Variants in CTNNA2 observed in about 807,000 individuals in gnomAD.
The protein encoded by CTNNA2 is catenin alpha-2.
In CTNNA2, 42 loss-of-function variants were observed where a neutral mutation model predicts 101.0. That is an observed-to-expected ratio of 0.42 (90% confidence interval 0.32 to 0.54). The LOEUF is 0.54. Among genes scored for constraint, CTNNA2 ranks in the 20% least tolerant of loss-of-function variants. The pLI is 0.14. For missense variants in CTNNA2, 871 were observed against 1,223.1 expected, an observed-to-expected ratio of 0.71 and a Z score of 4.29; for synonymous variants, 450 against 456.4, an observed-to-expected ratio of 0.99 and a Z score of 0.18.
chr2:80,152,533 C>G (rs1703772250), intron 7 of CTNNA2, among the ~76,000 whole-genome samples: 2 of 151,972 alleles, frequency 1.3e-5, no homozygotes, highest in Admixed American at 1.3e-4. Context: ...GTTTTTCATT[C>G]AGAACATTTT....
chr2:79,347,126 T>A (rs1294504661), intron 3 of CTNNA2, among the ~76,000 whole-genome samples: 2 of 152,142 alleles, frequency 1.3e-5, no homozygotes, highest in African/African-American at 2.4e-5. Context: ...TTAATGAATA[T>A]TTTTTGAAAA....
chr2:80,254,748 G>A (rs374182852), intron 7 of CTNNA2, among the ~76,000 whole-genome samples: 2 of 152,052 alleles, frequency 1.3e-5, no homozygotes, highest in African/African-American at 2.4e-5. Flanking sequence ...TTAAATAATA[G>A]GTAGTGTATA....
intron 7 of CTNNA2, among the ~76,000 whole-genome samples, chr2:79,998,721 A>G (rs909952558): frequency 1.3e-5 from 2 of 152,216 alleles, no homozygotes; most frequent in African/African-American, 4.8e-5. Context: ...TCTTTTCATC[A>G]TTGCCTAACC....
chr2:79,665,855 G>T (rs1163688933), intron 2 of CTNNA2, among the ~76,000 whole-genome samples: 1 of 152,180 alleles, frequency 6.6e-6, no homozygotes, highest in African/African-American at 2.4e-5. Flanking sequence ...ATGTAAAGAA[G>T]TATCAACTAC....
chr2:79,853,670 C>CTTT (rs10607231), intron 3 of CTNNA2, among the ~76,000 whole-genome samples: 1 of 129,914 alleles, frequency 7.7e-6, no homozygotes, highest in Non-Finnish European at 1.6e-5. Flanking sequence ...TATTATTTTT[C>CTTT]TTTTTTTTTT....
At chr2:80,445,788 C>G (rs1683023626) in intron 9 of CTNNA2, among the ~76,000 whole-genome samples, 1 of 152,164 alleles carries the variant, frequency 6.6e-6, no homozygotes, top group South Asian at 2.1e-4. Flanking sequence ...GCCTTGGGAA[C>G]AAATAATTGT....
Position 79,859,527 on chromosome 2 carries a change from G to T in CTNNA2, c.465+1348G>T, listed in dbSNP as rs139505496. On this transcript the variant is annotated intron_variant, in intron 4 of 18. Transcript: ENST00000402739. The stretch of plus-strand genomic sequence containing the variant: ...CAACACCTGCAGCCTGAGCTCCGAG[G>T]TCATAAACATAAAGGTAGTGTATCT... Among the ~76,000 whole-genome samples the T allele has an allele frequency of 2.0e-4, 30 of 152,222 alleles. No homozygotes were observed. The East Asian group carries it at 5.2e-3, about 27-fold the overall frequency.
intron 7 of CTNNA2, among the ~76,000 whole-genome samples, chr2:80,060,626 TC>T (rs1241303619): frequency 1.3e-5 from 2 of 152,164 alleles, no homozygotes; most frequent in South Asian, 2.1e-4. Flanking sequence ...TCTCTCTTTT[TC>T]TCTTTTTATG....
chr2:79,649,999 T>C (rs887524840), intron 1 of CTNNA2, among the ~76,000 whole-genome samples: 9 of 152,162 alleles, frequency 5.9e-5, no homozygotes, highest in Admixed American at 5.2e-4. Flanking sequence ...AATGGGGACA[T>C]TGATTCAAAA....
At chr2:80,008,359 AG>A (rs1295430425) in intron 7 of CTNNA2, among the ~76,000 whole-genome samples, 2 of 152,176 alleles carry the variant, frequency 1.3e-5, no homozygotes, top group African/African-American at 4.8e-5. Context: ...AGGAGTAATG[AG>A]TTTCCCTAGC....
intron 11 of CTNNA2, 77 bp from the exon 12 acceptor site, chr2:80,555,616 G>A: frequency 1.2e-6 from 1 of 811,920 alleles, no homozygotes. Context: ...AAGGGCTCAT[G>A]AGAGTTGAAT....
chr2:79,704,510 CTTTT>C (rs780311540), intron 2 of CTNNA2, among the ~76,000 whole-genome samples: 2 of 127,568 alleles, frequency 1.6e-5, no homozygotes. Flanking sequence ...ACTTGTGCTT[CTTTT>C]TTTTTTTTTT....
intron 1 of CTNNA2, among the ~76,000 whole-genome samples, chr2:79,551,151 C>T (rs1393782355): frequency 6.6e-6 from 1 of 152,054 alleles, no homozygotes; most frequent in Non-Finnish European, 1.5e-5. Flanking sequence ...TGAGTCTCTA[C>T]CAAATTTGGA....
chr2:79,934,016 T>C (rs1317906099), intron 7 of CTNNA2, among the ~76,000 whole-genome samples: 2 of 152,190 alleles, frequency 1.3e-5, no homozygotes, highest in African/African-American at 4.8e-5. Context: ...GAGGTCTATG[T>C]TTTAGGTTCA....
intron 3 of CTNNA2, among the ~76,000 whole-genome samples, chr2:79,786,285 T>A (rs1283273380): frequency 6.8e-6 from 1 of 146,252 alleles, no homozygotes; most frequent in Non-Finnish European, 1.5e-5. Context: ...AAAGAATAAT[T>A]TAATTAAGAT....
intron 4 of CTNNA2, among the ~76,000 whole-genome samples, chr2:79,477,972 A>G (rs1360193285): frequency 6.6e-6 from 1 of 152,192 alleles, no homozygotes; most frequent in Non-Finnish European, 1.5e-5. Flanking sequence ...GAAATCCACA[A>G]ATTTCAAGAC....
chr2:80,345,911 C>A (rs1174065675), intron 7 of CTNNA2, among the ~76,000 whole-genome samples: 1 of 152,146 alleles, frequency 6.6e-6, no homozygotes, highest in African/African-American at 2.4e-5. Flanking sequence ...CCAAACTCTA[C>A]TATTGTCTGT....
At chr2:80,416,449 T>A (rs955720079) in intron 8 of CTNNA2, among the ~76,000 whole-genome samples, 3 of 152,106 alleles carry the variant, frequency 2.0e-5, no homozygotes, top group African/African-American at 7.2e-5. Context: ...TTTCTTTAAC[T>A]GCTTTCTTCC....
chr2:79,954,982 G>T (rs1689128073), intron 7 of CTNNA2, among the ~76,000 whole-genome samples: 2 of 152,126 alleles, frequency 1.3e-5, no homozygotes, highest in Non-Finnish European at 2.9e-5. Context: ...AAATTAAAAT[G>T]ATGCCCTTTT....
Sources: allele counts gnomAD v4.1 joint callset (sites outside exome capture counted in the v4.1 genomes callset), GRCh38; gene constraint gnomAD v4.1.1; transcripts MANE v1.5; gene names NCBI Gene and HGNC (gene_info 2026-07-23, HGNC 2026-07-21).